TMIE: variants seen among roughly 807,000 people sequenced by gnomAD.
TMIE encodes the protein transmembrane inner ear expressed protein.
A neutral mutation model predicts 16.8 loss-of-function variants in TMIE; 14 were observed. The ratio of observed to expected loss-of-function variants is 0.83; its 90% confidence interval spans 0.55 to 1.30. The LOEUF (loss-of-function observed/expected upper bound fraction) is 1.30, where lower values mean the gene tolerates loss of function less well. TMIE is among the 50% of genes most tolerant of loss of function. The pLI is 0.00. For synonymous variants in TMIE, 75 were observed against 87.2 expected, an observed-to-expected ratio of 0.86 and a Z score of 0.78; for missense variants, 204 against 205.9, an observed-to-expected ratio of 0.99 and a Z score of 0.06.
chr3:46,709,198 A>T lies in TMIE; in HGVS notation c.284A>T (p.Gln95Leu). The T allele has an allele frequency of 6.2e-7, 1 of 1,614,152 alleles. No individual in the cohort carries two copies. The highest frequency in any genetic ancestry group is 1.1e-5 in the South Asian group (1 of 91,082). Reference protein sequence around the residue: ...TRKEIEARYLQRKAAKMYTDK... With the variant: ...TRKEIEARYLLRKAAKMYTDK... ...AAGGAGATCGAAGCCCGGTACCTGCAGCGAAAGGCAGCCAAGATGTACACA... is the reference window on the plus strand; with the variant it reads ...AAGGAGATCGAAGCCCGGTACCTGCTGCGAAAGGCAGCCAAGATGTACACA... Residue 95 changes from glutamine (Q) to leucine (L), a missense_variant, in exon 3 of 4, where the codon CAG becomes CTG. Gln to Leu is a moderately radical substitution (Grantham distance 113, BLOSUM62 -2). Transcript: ENST00000643606.
chr3:46,700,210 C>T (rs538587584), upstream of TMIE, among the ~76,000 whole-genome samples: 4 of 152,328 alleles, frequency 2.6e-5, no homozygotes, highest in East Asian at 1.9e-4. Context: ...AGCGTTTCCT[C>T]GATGGGTCTC....
intron 1 of TMIE, among the ~76,000 whole-genome samples, chr3:46,702,536 C>T (rs1015258191): frequency 4.6e-5 from 7 of 151,852 alleles, no homozygotes; most frequent in Non-Finnish European, 1.0e-4. Context: ...GGAGCCAGGG[C>T]CAGGGAGGAG....
At chr3:46,709,032 T>G in intron 2 of TMIE, 94 bp from the exon 3 acceptor site, 3 of 1,528,720 alleles carry the variant, frequency 2.0e-6, no homozygotes, top group Non-Finnish European at 2.7e-6. Context: ...GAGACACATG[T>G]GGGTGGATGG....
intron 1 of TMIE, among the ~76,000 whole-genome samples, chr3:46,703,798 A>G (rs937083670): frequency 1.3e-5 from 2 of 152,162 alleles, no homozygotes; most frequent in African/African-American, 4.8e-5. Context: ...GGCTCATGAC[A>G]GATGCCTAAT....
chr3:46,698,809 C>T (rs556102253), upstream of TMIE, among the ~76,000 whole-genome samples: 27 of 151,992 alleles, frequency 1.8e-4, no homozygotes, highest in South Asian at 3.1e-3. Context: ...TTTTGAATGA[C>T]CTAAGTTTCT....
Position 46,709,108 on chromosome 3 carries a change from G to C in TMIE, c.212-18G>C. The C allele has an allele frequency of 6.2e-7, 1 of 1,613,916 alleles. No individual in the cohort carries two copies. ...CTGAACCCCAGCCCCAGCCAAGCCT[G>C]CTCTGTCCTCCCTACAGTCATCACG... is the stretch of plus-strand genomic sequence containing the variant. On this transcript the variant is annotated intron_variant, in intron 2 of 3. Coordinates refer to ENST00000643606, the MANE Select transcript of TMIE (RefSeq NM_147196.3).
At chr3:46,695,308 A>G (rs1700385706) in intron 1 of TMIE, among the ~76,000 whole-genome samples, 1 of 152,150 alleles carries the variant, frequency 6.6e-6, no homozygotes, top group Non-Finnish European at 1.5e-5. Context: ...ATTCTGGAAG[A>G]GCTGGTATGG....
chr3:46,694,361 C>T (rs1022881162), upstream of TMIE, among the ~76,000 whole-genome samples: 1 of 152,156 alleles, frequency 6.6e-6, no homozygotes, highest in Non-Finnish European at 1.5e-5. Context: ...CTGGGACAGA[C>T]CCCCCGGGAG....
In TMIE at chr3:46,701,546, T is replaced by A. The variant is rs375180950; in HGVS notation, c.59T>A (p.Val20Glu). The A allele has an allele frequency of 2.2e-4, 279 of 1,292,896 alleles. No individual in the cohort carries two copies. The African/African-American group carries it at 3.9e-3, about 18-fold the overall frequency. The allele number at this position is 1,292,896 out of a possible 1,614,324, so 80.1% of individuals were successfully genotyped here. A position where few individuals can be genotyped will look rare whatever the true frequency, so the allele number is the denominator to read the frequency against. ...LCVLGGAALG[V>E]CLAGVAGQLV... ...GTGCTGGGCGGCGCCGCACTCGGGG[T>A]GTGCCTCGCGGGGGTTGCCGGGCAG... Residue 20 changes from valine (V) to glutamate (E), a missense_variant, in exon 1 of 4, where the codon GTG (valine) becomes GAG (glutamate). By Grantham distance (121) the Val-to-Glu change is moderately radical. Transcript: ENST00000643606. This position sits in a 1 kb window ranked among gnomAD's most constrained non-coding sequence, Gnocchi z 4.3.
At chr3:46,708,922 C>A (rs1488191752) in intron 2 of TMIE, among the ~76,000 whole-genome samples, 1 of 152,254 alleles carries the variant, frequency 6.6e-6, no homozygotes, top group Non-Finnish European at 1.5e-5. Context: ...GCCTGTGCAG[C>A]TGCATGAAGT....
At chr3:46,699,290 T>C (rs1296358800), upstream of TMIE, among the ~76,000 whole-genome samples, 7 of 152,114 alleles carry the variant, frequency 4.6e-5, no homozygotes, top group Admixed American at 2.6e-4. Context: ...CAGGCTGGTC[T>C]CGACTCCTGA....
intron 1 of TMIE, among the ~76,000 whole-genome samples, chr3:46,696,221 A>G (rs1700410725): frequency 6.6e-6 from 1 of 152,218 alleles, no homozygotes; most frequent in African/African-American, 2.4e-5. Context: ...AGCCCTGGGT[A>G]TGCGTGTGCA....
chr3:46,701,610 G>A lies in TMIE; in HGVS notation c.93+30G>A, dbSNP rs1164215866. 11 of 1,272,470 alleles carry A rather than the reference G, an allele frequency of 8.6e-6. No individual in the cohort carries two copies. The highest frequency in any genetic ancestry group is 8.9e-6 in the Non-Finnish European group (9 of 1,011,752). The allele number at this position is 1,272,470 out of a possible 1,614,324, so 78.8% of individuals were successfully genotyped here. A position where few individuals can be genotyped will look rare whatever the true frequency, so the allele number is the denominator to read the frequency against. ...GGCCGCGGCACGGAGGGACTGGGGA[G>A]GCTGTCACCCTCCAGGCAGGGGGCT... On this transcript the variant is annotated intron_variant, in intron 1 of 3. Coordinates refer to ENST00000643606, the MANE Select transcript of TMIE (RefSeq NM_147196.3). The surrounding 1 kb of genome is among the most constrained non-coding windows in gnomAD (Gnocchi z 4.3).
chr3:46,705,409 A>AT (rs1408555668), intron 1 of TMIE, among the ~76,000 whole-genome samples: 1 of 151,672 alleles, frequency 6.6e-6, no homozygotes, highest in African/African-American at 2.4e-5. Context: ...GTTAGCCAGC[A>AT]CCCCCCAGGC....
chr3:46,700,423 G>A (rs370567975), upstream of TMIE, among the ~76,000 whole-genome samples: 16 of 152,306 alleles, frequency 1.1e-4, no homozygotes, highest in Admixed American at 3.3e-4. Context: ...GGCAGGCCTT[G>A]CTGGGCCATC....
chr3:46,707,738 G>A (rs772934110), intron 2 of TMIE, among the ~76,000 whole-genome samples: 2 of 152,198 alleles, frequency 1.3e-5, no homozygotes, highest in Non-Finnish European at 2.9e-5. Context: ...GTTTGAGCCC[G>A]GCTCTGGCTG....
upstream of TMIE, among the ~76,000 whole-genome samples, chr3:46,694,058 C>A (rs996171775): frequency 3.3e-5 from 5 of 152,348 alleles, no homozygotes; most frequent in South Asian, 8.3e-4. Flanking sequence ...AGTCGCTCTG[C>A]GAGCCTGTGG....
intron 2 of TMIE, among the ~76,000 whole-genome samples, chr3:46,706,651 A>G (rs1485842393): frequency 6.6e-6 from 1 of 152,060 alleles, no homozygotes; most frequent in Non-Finnish European, 1.5e-5. Context: ...TCCCCTGCAA[A>G]GGCATCACAG....
At chr3:46,706,247 A>G (rs1476294584) in intron 2 of TMIE, among the ~76,000 whole-genome samples, 2 of 152,206 alleles carry the variant, frequency 1.3e-5, no homozygotes, top group East Asian at 3.8e-4. Context: ...TGGCCAGCTT[A>G]AAGGCCCACA....
Sources: allele counts gnomAD v4.1 joint callset (sites outside exome capture counted in the v4.1 genomes callset), GRCh38; gene constraint gnomAD v4.1.1; non-coding constraint Gnocchi (gnomAD v3.1); transcripts MANE v1.5; gene names NCBI Gene and HGNC (gene_info 2026-07-23, HGNC 2026-07-21).